ZNF410: variants seen among roughly 807,000 people sequenced by gnomAD.
ZNF410 encodes zinc finger protein 410.
A neutral mutation model predicts 54.8 loss-of-function variants in ZNF410; 18 were observed. The observed-to-expected ratio is 0.33, with a 90% CI of 0.23 to 0.49. The LOEUF is 0.49. Among genes scored for constraint, ZNF410 ranks in the 20% least tolerant of loss-of-function variants. The probability of loss-of-function intolerance (pLI) is 0.99; values close to 1 mark genes in which losing one functional copy is unlikely to be tolerated. For missense variants in ZNF410, 405 were observed against 569.6 expected (o/e 0.71, Z 2.94); for synonymous variants, 191 against 207.3 (o/e 0.92, Z 0.68).
intron 11 of ZNF410, among the ~76,000 whole-genome samples, chr14:73,925,235 T>C (rs2055812211): frequency 6.6e-6 from 1 of 152,260 alleles, no homozygotes; most frequent in South Asian, 2.1e-4. Context: ...TGGTAACTGC[T>C]TTGGAATGAA....
Position 73,892,082 on chromosome 14 carries a change from TA to T in ZNF410, c.-93del. 1 of 1,333,232 alleles carries T rather than the reference TA, an allele frequency of 7.5e-7. No homozygotes were observed. Among genetic ancestry groups the T allele is most frequent in the Non-Finnish European group, 1.1e-6 (1 of 923,926 alleles). The allele number at this position is 1,333,232 out of a possible 1,614,324, so 82.6% of individuals were successfully genotyped here. ...CTTACGGGAAGAGCATAGTATTTCCTAGAGGAATATGAACATAACAGGAAGG... is the reference window on the plus strand; with the variant it reads ...CTTACGGGAAGAGCATAGTATTTCCTGAGGAATATGAACATAACAGGAAGG... On this transcript the variant is annotated 5_prime_UTR_variant, in exon 2 of 12. Coordinates refer to ENST00000555044, the MANE Select transcript of ZNF410 (RefSeq NM_021188.3).
rs12589073 is a variant in ZNF410, at chr14:73,905,994, T to C, written c.913+911T>C. On this transcript the variant is annotated intron_variant, in intron 7 of 11. Coordinates refer to ENST00000555044, the MANE Select transcript of ZNF410 (RefSeq NM_021188.3). ...ATATATATATATATATATATATATA[T>C]ACACACATACTTTTTTTTTTTTTGA... is the stretch of plus-strand genomic sequence containing the variant. Among the ~76,000 whole-genome samples the C allele has an allele frequency of 5.4e-3, 738 of 136,580 alleles. 10 individuals are homozygous for C. Among genetic ancestry groups the C allele is most frequent in the Admixed American group, 9.5e-3 (128 of 13,456 alleles). The allele number at this position is 136,580 out of a possible 152,430, so 89.6% of individuals were successfully genotyped here. A position where few individuals can be genotyped will look rare whatever the true frequency, so the allele number is the denominator to read the frequency against.
intron 8 of ZNF410, among the ~76,000 whole-genome samples, chr14:73,911,653 A>G (rs1417970802): frequency 2.6e-5 from 4 of 152,184 alleles, no homozygotes; most frequent in African/African-American, 9.7e-5. Context: ...ATATAGCAAC[A>G]GTGGTGTTAT....
rs542747303 is a variant in ZNF410, at chr14:73,922,380, T to A, written c.1270+174T>A. 445 of 535,790 alleles carry A rather than the reference T, an allele frequency of 8.3e-4. 1 individual carries two copies. Among genetic ancestry groups the A allele is most frequent in the South Asian group, 7.4e-3 (89 of 11,962 alleles). 33.2% of individuals were successfully genotyped at this position (535,790 alleles called of 1,614,324 possible). ...ATTAGTCAATCTGTTTAAAAAAAAA[T>A]TTTTTTTCATTGAAGATAATATAAT... On this transcript the variant is annotated intron_variant, in intron 10 of 11. Coordinates refer to ENST00000555044, the MANE Select transcript of ZNF410 (RefSeq NM_021188.3).
intron 1 of ZNF410, among the ~76,000 whole-genome samples, chr14:73,888,010 C>T (rs981699459): frequency 4.6e-5 from 7 of 151,886 alleles, no homozygotes; most frequent in African/African-American, 1.7e-4. Context: ...GAATTTTAAA[C>T]GCGGGGTGAC....
At chr14:73,915,987 C>G (rs1274159515) in intron 8 of ZNF410, 1 of 152,356 alleles carries the variant, frequency 6.6e-6, no homozygotes, top group South Asian at 2.1e-4. Context: ...TGCCTGTAAT[C>G]TCAGCACTTT....
At chr14:73,920,793 C>A in intron 8 of ZNF410, 187 bp from the exon 9 acceptor site, 1 of 639,238 alleles carries the variant, frequency 1.6e-6, no homozygotes, top group Non-Finnish European at 2.6e-6. Flanking sequence ...TGTGCTAAAG[C>A]CCTCCTGGTG....
intron 4 of ZNF410, among the ~76,000 whole-genome samples, chr14:73,897,455 G>T (rs1295762619): frequency 6.6e-6 from 1 of 152,170 alleles, no homozygotes; most frequent in Non-Finnish European, 1.5e-5. Context: ...GCAGATAGGA[G>T]AGAGGAGATA....
intron 7 of ZNF410, among the ~76,000 whole-genome samples, chr14:73,908,492 A>T (rs940093782): frequency 3.3e-5 from 5 of 152,196 alleles, no homozygotes; most frequent in African/African-American, 1.2e-4. Context: ...GAAAAAAGCT[A>T]CCGGTGGAGA....
intron 3 of ZNF410, 72 bp downstream of exon 3, chr14:73,894,004 A>C (rs1389445768): frequency 6.6e-7 from 1 of 1,519,792 alleles, no homozygotes; most frequent in African/African-American, 1.4e-5. Flanking sequence ...TTACTGGTGG[A>C]ATGAATATAT....
chr14:73,924,689 T>C, intron 11 of ZNF410: 2 of 450,362 alleles, frequency 4.4e-6, no homozygotes, highest in South Asian at 1.6e-5. Flanking sequence ...TTTTCTTTTT[T>C]TTTTTGAGAC....
chr14:73,901,005 A>G (rs1241113653), intron 5 of ZNF410, among the ~76,000 whole-genome samples: 1 of 152,242 alleles, frequency 6.6e-6, no homozygotes, highest in Non-Finnish European at 1.5e-5. Flanking sequence ...CATTTTTAAC[A>G]TAAATATTTT....
intron 3 of ZNF410, 90 bp downstream of exon 3, chr14:73,894,022 T>C: frequency 6.8e-7 from 1 of 1,472,064 alleles, no homozygotes. Context: ...TATCGTTTAA[T>C]AACTGACTGG....
Position 73,895,575 on chromosome 14 carries a change from T to G in ZNF410, c.170-741T>G, listed in dbSNP as rs532315108. On this transcript the variant is annotated intron_variant, in intron 3 of 11. Coordinates refer to ENST00000555044, the MANE Select transcript of ZNF410 (RefSeq NM_021188.3). The stretch of plus-strand genomic sequence containing the variant: ...ATGCATTCACCTTCTTTTCCACATT[T>G]CTTTTAGTTTTAATTTTGATTTAAA... Among the ~76,000 whole-genome samples the G allele has an allele frequency of 2.6e-5, 4 of 152,372 alleles. No homozygotes were observed. The South Asian group carries it at 8.3e-4, about 32-fold the overall frequency.
chr14:73,898,228 A>T lies in ZNF410; in HGVS notation c.546A>T (p.Ala182=). The T allele has an allele frequency of 6.2e-7, 1 of 1,614,118 alleles. No individual in the cohort carries two copies. Among genetic ancestry groups the T allele is most frequent in the Non-Finnish European group, 8.5e-7 (1 of 1,179,996 alleles). Residue 182 remains alanine (A), a synonymous_variant, in exon 5 of 12, where the codon GCA becomes GCT. Transcript: ENST00000555044. Reference sequence around the variant, plus strand: ...ACAGTTTGATTGCTGCTACTCGTGCACAACTGGCAAAGAATGCAAAAACCA... The same window carrying T: ...ACAGTTTGATTGCTGCTACTCGTGCTCAACTGGCAAAGAATGCAAAAACCA... ...AHDSLIAATR[A]QLAKNAKTSS... is the part of the protein sequence containing the mutation.
chr14:73,914,160 G>A (rs2055627898), intron 8 of ZNF410: 2 of 152,034 alleles, frequency 1.3e-5, no homozygotes, highest in African/African-American at 4.8e-5. Flanking sequence ...TCAGTCTCCC[G>A]AGGCTGGGAC....
At chr14:73,925,602 A>G (rs544912185) in intron 11 of ZNF410, among the ~76,000 whole-genome samples, 24 of 151,932 alleles carry the variant, frequency 1.6e-4, no homozygotes, top group Non-Finnish European at 3.2e-4. Flanking sequence ...TAATTTTTGT[A>G]TTTTTATTAG....
At chr14:73,923,319 A>G (rs921074986) in intron 10 of ZNF410, 76 bp from the exon 11 acceptor site, 14 of 1,508,008 alleles carry the variant, frequency 9.3e-6, no homozygotes, top group Non-Finnish European at 1.2e-5. Context: ...AGAGTTGTTA[A>G]TGAGAGGCTT....
At chr14:73,900,926 A>G (rs2055396858) in intron 5 of ZNF410, among the ~76,000 whole-genome samples, 1 of 152,240 alleles carries the variant, frequency 6.6e-6, no homozygotes, top group Non-Finnish European at 1.5e-5. Flanking sequence ...AGTGTGGCTC[A>G]GGGAAGCCAA....
Sources: gnomAD v4.1 joint callset for allele counts (sites outside exome capture counted in the v4.1 genomes callset) on GRCh38, gnomAD v4.1.1 for gene constraint, MANE v1.5 for transcripts, NCBI Gene and HGNC (gene_info 2026-07-23, HGNC 2026-07-21) for gene names.